The following GNAT3 variants were observed in gnomAD, a reference collection of about 807,000 sequenced individuals.
The protein encoded by GNAT3 is G protein subunit alpha transducin 3, also known as guanine nucleotide-binding protein G(t) subunit alpha-3.
GNAT3 carries 31 observed loss-of-function variants against 37.7 expected under a neutral mutation model. The observed-to-expected ratio is 0.82, with a 90% CI of 0.62 to 1.11. GNAT3 has a LOEUF of 1.11. Among genes scored for constraint, GNAT3 ranks in the 50% most tolerant of loss-of-function variants. GNAT3 has a pLI of 0.00. For synonymous variants in GNAT3, 138 were observed against 139.8 expected, an observed-to-expected ratio of 0.99 and a Z score of 0.09; for missense variants, 437 against 412.5, an observed-to-expected ratio of 1.06 and a Z score of -0.51.
intron 7 of GNAT3, among the ~76,000 whole-genome samples, chr7:80,459,432 GT>G (rs1366099253): frequency 6.6e-6 from 1 of 152,154 alleles, no homozygotes; most frequent in African/African-American, 2.4e-5. Context: ...TAGAATAGAT[GT>G]TATGGGCTAG....
rs151239351 is a variant in GNAT3, at chr7:80,500,152, C to T, written c.119-5505G>A. ...TATGAACAGCACTGACATTCTGCCA[C>T]CTAGACCTGCCTCACTCCTGGTGGG... On this transcript the variant is annotated intron_variant, in intron 1 of 7. Coordinates refer to ENST00000398291, the MANE Select transcript of GNAT3 (RefSeq NM_001102386.3). 1.1e-4 allele frequency among the ~76,000 whole-genome samples: 17 copies of T among 151,972 alleles called. No homozygotes were observed. In the South Asian group the frequency reaches 3.1e-3, roughly 28 times the overall value.
chr7:80,478,412 G>A (rs999082618), intron 4 of GNAT3, among the ~76,000 whole-genome samples: 5 of 152,074 alleles, frequency 3.3e-5, no homozygotes, highest in Non-Finnish European at 5.9e-5. Context: ...TTGTATCATG[G>A]TCATCAACCC....
chr7:80,490,287 T>G (rs1182868222), intron 2 of GNAT3, among the ~76,000 whole-genome samples: 1 of 152,154 alleles, frequency 6.6e-6, no homozygotes, highest in Admixed American at 6.5e-5. Flanking sequence ...TTCAAGTGGC[T>G]ACTAAAGCCA....
chr7:80,499,674 A>G (rs1265722625), intron 1 of GNAT3, among the ~76,000 whole-genome samples: 1 of 152,154 alleles, frequency 6.6e-6, no homozygotes, highest in African/African-American at 2.4e-5. Flanking sequence ...TGTTCCATGT[A>G]TTATTTCTCC....
At chr7:80,495,637 T>G (rs1320972904) in intron 1 of GNAT3, among the ~76,000 whole-genome samples, 1 of 151,976 alleles carries the variant, frequency 6.6e-6, no homozygotes, top group South Asian at 2.1e-4. Flanking sequence ...GCCTGGCTAA[T>G]TTTTTGTAGT....
intron 2 of GNAT3, among the ~76,000 whole-genome samples, chr7:80,493,258 T>C (rs963553280): frequency 1.3e-5 from 2 of 151,932 alleles, no homozygotes; most frequent in East Asian, 1.9e-4. Context: ...GCAGATACTG[T>C]GGAAATGTTA....
chr7:80,464,663 A>G (rs976543909), intron 5 of GNAT3, among the ~76,000 whole-genome samples: 2 of 152,148 alleles, frequency 1.3e-5, no homozygotes, highest in Non-Finnish European at 2.9e-5. Flanking sequence ...ATTAAGTACC[A>G]AAAAGCATCC....
chr7:80,510,201 C>G (rs1394971121), intron 1 of GNAT3, among the ~76,000 whole-genome samples: 2 of 152,112 alleles, frequency 1.3e-5, no homozygotes, highest in Non-Finnish European at 2.9e-5. Context: ...AACTGAATCT[C>G]TAGTTGACTG....
At chr7:80,506,514 T>C (rs1010228433) in intron 1 of GNAT3, among the ~76,000 whole-genome samples, 1 of 152,182 alleles carries the variant, frequency 6.6e-6, no homozygotes, top group Non-Finnish European at 1.5e-5. Context: ...GATGGATAAA[T>C]GCAACATTGT....
intron 7 of GNAT3, among the ~76,000 whole-genome samples, chr7:80,460,566 G>A (rs1790031558): frequency 6.6e-6 from 1 of 152,090 alleles, no homozygotes; most frequent in South Asian, 2.1e-4. Context: ...TGGCCAACAT[G>A]GTGAAATCCC....
chr7:80,474,344 C>T lies in GNAT3; in HGVS notation c.497G>A (p.Gly166Glu). 2 of 1,557,100 alleles carry T rather than the reference C, an allele frequency of 1.3e-6. No individual in the cohort carries two copies. The highest frequency in any genetic ancestry group is 1.7e-6 in the Non-Finnish European group (2 of 1,147,656). The stretch of plus-strand genomic sequence containing the variant: ...AACATCTTGTTCATTTGGCACATAC[C>T]CAGATGCTGTTATTCTATCTAAATC... ...LNDLDRITAS[G>E]YVPNEQDVLH... Residue 166 changes from glycine (G) to glutamate (E), a missense_variant, in exon 5 of 8, where the codon GGG becomes GAG. Gly to Glu is a moderately conservative substitution (Grantham distance 98). Coordinates refer to ENST00000398291, the MANE Select transcript of GNAT3 (RefSeq NM_001102386.3).
At chr7:80,499,985 T>G (rs1201671276) in intron 1 of GNAT3, among the ~76,000 whole-genome samples, 1 of 152,166 alleles carries the variant, frequency 6.6e-6, no homozygotes, top group Non-Finnish European at 1.5e-5. Flanking sequence ...AAGAAATATT[T>G]CAAGTATAAT....
chr7:80,471,273 C>T (rs2116155721), intron 5 of GNAT3, among the ~76,000 whole-genome samples: 1 of 151,064 alleles, frequency 6.6e-6, no homozygotes, highest in African/African-American at 2.4e-5. Context: ...GATGGGTCTG[C>T]CTTTCCCAGC....
intron 1 of GNAT3, among the ~76,000 whole-genome samples, chr7:80,502,920 A>T (rs1790863007): frequency 6.6e-6 from 1 of 152,070 alleles, no homozygotes; most frequent in Admixed American, 6.6e-5. Context: ...TTATTTTCAA[A>T]CTTAAAATTT....
At chr7:80,495,696 T>C (rs559474081) in intron 1 of GNAT3, among the ~76,000 whole-genome samples, 2 of 152,216 alleles carry the variant, frequency 1.3e-5, no homozygotes, top group South Asian at 4.2e-4. Flanking sequence ...CTGGATCTGC[T>C]GATCTCGTGA....
At position 80,494,737 on chromosome 7, in the gene GNAT3, T is replaced by TA. The variant is rs561185200; in HGVS notation, c.119-91_119-90insT. 816 of 788,758 alleles carry TA rather than the reference T, an allele frequency of 1.0e-3. 2 individuals are homozygous for TA. Among genetic ancestry groups the TA allele is most frequent in the Non-Finnish European group, 1.6e-3 (752 of 468,578 alleles). 48.9% of individuals were successfully genotyped at this position (788,758 alleles called of 1,614,324 possible). A position where few individuals can be genotyped will look rare whatever the true frequency, so the allele number is the denominator to read the frequency against. On this transcript the variant is annotated intron_variant, in intron 1 of 7. Coordinates refer to ENST00000398291, the MANE Select transcript of GNAT3 (RefSeq NM_001102386.3). Reference sequence around the variant, plus strand: ...TCACTTTTCATGGATAATCTTTAATTTTTTTTAATAGGTTTAGGGGGTACA... The same window carrying TA: ...TCACTTTTCATGGATAATCTTTAATTATTTTTTAATAGGTTTAGGGGGTACA...
In GNAT3 at chr7:80,497,631, T is replaced by C. The variant is rs141167141; in HGVS notation, c.119-2984A>G. On this transcript the variant is annotated intron_variant, in intron 1 of 7. Transcript: ENST00000398291. ...ACGTATATACATATACGTATATACA[T>C]ATACGTATATACATATACGTATATA... 4.9e-3 allele frequency among the ~76,000 whole-genome samples: 566 copies of C among 115,884 alleles called. 39 individuals are homozygous for C. The highest frequency in any genetic ancestry group is 0.024 in the African/African-American group (525 of 21,438). 76.0% of individuals were successfully genotyped at this position (115,884 alleles called of 152,430 possible). A position where few individuals can be genotyped will look rare whatever the true frequency, so the allele number is the denominator to read the frequency against.
Position 80,489,403 on chromosome 7 carries a change from A to T in GNAT3, c.162-727T>A, listed in dbSNP as rs575425995. ...CGTATTTTTGCATCTTTATTGTATA[A>T]TTTTTTTTGTTCCTTTCTATTTTCT... On this transcript the variant is annotated intron_variant, in intron 2 of 7. Coordinates refer to ENST00000398291, the MANE Select transcript of GNAT3 (RefSeq NM_001102386.3). 3.9e-5 allele frequency among the ~76,000 whole-genome samples: 6 copies of T among 152,004 alleles called. No individual in the cohort carries two copies. The South Asian group carries it at 1.0e-3, about 26-fold the overall frequency.
At chr7:80,501,861 T>C (rs1790839925) in intron 1 of GNAT3, among the ~76,000 whole-genome samples, 2 of 152,024 alleles carry the variant, frequency 1.3e-5, no homozygotes. Context: ...CAAGTACCTA[T>C]TTCTGTGATA....
Sources: gnomAD v4.1 joint callset for allele counts (sites outside exome capture counted in the v4.1 genomes callset) on GRCh38, gnomAD v4.1.1 for gene constraint, MANE v1.5 for transcripts, NCBI Gene and HGNC (gene_info 2026-07-23, HGNC 2026-07-21) for gene names.